The following NRG2 variants were observed in gnomAD, a reference collection of about 807,000 sequenced individuals.
NRG2 encodes pro-neuregulin-2, membrane-bound isoform.
A neutral mutation model predicts 73.9 loss-of-function variants in NRG2; 27 were observed. The ratio of observed to expected loss-of-function variants is 0.37; its 90% confidence interval spans 0.27 to 0.50. NRG2 has a LOEUF of 0.50. NRG2 is among the 20% of genes least tolerant of loss of function. The pLI, the probability that NRG2 is intolerant of heterozygous loss-of-function variation, is 0.96. For synonymous variants in NRG2, 532 were observed against 541.0 expected (o/e 0.98, Z 0.23); for missense variants, 1,126 against 1,210.1 (o/e 0.93, Z 1.03).
chr5:139,865,570 A>G lies in NRG2; in HGVS notation c.1168T>C (p.Tyr390His). Residue 390 changes from tyrosine to histidine, a missense_variant, in exon 5 of 10, where the codon TAC becomes CAC. This residue lies in a region of NRG2 where 539 missense variants were observed against 703.2 expected (regional missense o/e 0.77). Transcript: ENST00000361474. This position sits in a 1 kb window ranked among gnomAD's most constrained non-coding sequence, Gnocchi z 5.2. ...ATACTTTGCTTAGGATCTGGCATGTACAATCGCAAAGGCAGTTTCTCCAAA... is the reference window on the plus strand; with the variant it reads ...ATACTTTGCTTAGGATCTGGCATGTGCAATCGCAAAGGCAGTTTCTCCAAA... ...RCLEKLPLRL[Y>H]MPDPKQKAEE... The G allele has an allele frequency of 6.2e-7, 1 of 1,612,466 alleles. No homozygotes were observed. The highest frequency in any genetic ancestry group is 8.5e-7 in the Non-Finnish European group (1 of 1,179,550).
At position 139,852,622 on chromosome 5, in the gene NRG2, G is replaced by A; in HGVS notation, c.1417-63C>T. On this transcript the variant is annotated intron_variant, in intron 7 of 9. Coordinates refer to ENST00000361474, the MANE Select transcript of NRG2 (RefSeq NM_004883.3). This position sits in a 1 kb window ranked among gnomAD's most constrained non-coding sequence, Gnocchi z 4.4. ...GGCCCAAATGAACTCTTTCTTGTTGGGGACAGGGAAGTGATGAGCACTGAC... is the reference window on the plus strand; with the variant it reads ...GGCCCAAATGAACTCTTTCTTGTTGAGGACAGGGAAGTGATGAGCACTGAC... The A allele has an allele frequency of 6.3e-7, 1 of 1,586,590 alleles. No homozygotes were observed. The highest frequency in any genetic ancestry group is 8.6e-7 in the Non-Finnish European group (1 of 1,165,608).
chr5:139,929,867 CT>C (rs1336508560), intron 1 of NRG2, among the ~76,000 whole-genome samples: 10 of 152,120 alleles, frequency 6.6e-5, no homozygotes, highest in Non-Finnish European at 1.3e-4. Context: ...GAGAAAGTGA[CT>C]GATATTTCAA....
chr5:139,973,156 CAAAA>C (rs58053481), intron 1 of NRG2, among the ~76,000 whole-genome samples: 17,538 of 89,450 alleles, frequency 0.2, 1,119 homozygotes, highest in African/African-American at 0.29. Flanking sequence ...TAAGAATATG[CAAAA>C]AAAAAAAAAA....
At chr5:139,916,097 G>C (rs1320757223) in intron 1 of NRG2, among the ~76,000 whole-genome samples, 1 of 152,196 alleles carries the variant, frequency 6.6e-6, no homozygotes, top group African/African-American at 2.4e-5. Flanking sequence ...GCAGAGTCTG[G>C]AGGCAGCAAG....
chr5:139,933,883 A>G (rs984609304), intron 1 of NRG2, among the ~76,000 whole-genome samples: 5 of 152,240 alleles, frequency 3.3e-5, no homozygotes, highest in African/African-American at 1.2e-4. Context: ...TTTTTTGACC[A>G]TGACAAAATT....
intron 1 of NRG2, among the ~76,000 whole-genome samples, chr5:139,913,922 G>A (rs1297467508): frequency 1.3e-5 from 2 of 152,330 alleles, no homozygotes; most frequent in Admixed American, 1.3e-4. Context: ...GGAGGCTGAG[G>A]AGGGTGAATC....
intron 1 of NRG2, among the ~76,000 whole-genome samples, chr5:140,000,848 C>T (rs1486392010): frequency 1.3e-5 from 2 of 152,244 alleles, no homozygotes; most frequent in African/African-American, 4.8e-5. Context: ...TAATCCATCT[C>T]TGTCAACGTC....
chr5:139,965,639 C>T (rs1457472844), intron 1 of NRG2, among the ~76,000 whole-genome samples: 1 of 152,254 alleles, frequency 6.6e-6, no homozygotes, highest in East Asian at 1.9e-4. Context: ...TCCTGGCCCT[C>T]CTGAAGGCCT....
At position 139,847,886 on chromosome 5, in the gene NRG2, C is replaced by T. The variant is rs1434199770; in HGVS notation, c.*31G>A. 1 of 1,126,848 alleles carries T rather than the reference C, an allele frequency of 8.9e-7. No homozygotes were observed. Among genetic ancestry groups the T allele is most frequent in the Non-Finnish European group, 1.2e-6 (1 of 866,996 alleles). The allele number at this position is 1,126,848 out of a possible 1,614,324, so 69.8% of individuals were successfully genotyped here. A position where few individuals can be genotyped will look rare whatever the true frequency, so the allele number is the denominator to read the frequency against. On this transcript the variant is annotated 3_prime_UTR_variant, in exon 10 of 10. Transcript: ENST00000361474. Reference sequence around the variant, plus strand: ...TCTGGTCTCCTTAAAGATAGTGGGGCGGGCGGGGCGGAGGGGCGCGCGGCG... The same window carrying T: ...TCTGGTCTCCTTAAAGATAGTGGGGTGGGCGGGGCGGAGGGGCGCGCGGCG...
rs192250747 is a variant in NRG2, at chr5:139,899,277, G to T, written c.701-11766C>A. 8.9e-3 allele frequency among the ~76,000 whole-genome samples: 1,310 copies of T among 147,380 alleles called. 9 individuals are homozygous for T. Among genetic ancestry groups the T allele is most frequent in the Middle Eastern group, 0.041 (12 of 294 alleles). ...GCATCATAATAAATGGTGGGTGGGA[G>T]GGGGGCTTGATAAAATGTACATTAC... is the stretch of plus-strand genomic sequence containing the variant. On this transcript the variant is annotated intron_variant, in intron 1 of 9. Coordinates refer to ENST00000361474, the MANE Select transcript of NRG2 (RefSeq NM_004883.3).
intron 3 of NRG2, among the ~76,000 whole-genome samples, chr5:139,880,024 C>T (rs1468994999): frequency 6.6e-6 from 1 of 152,150 alleles, no homozygotes; most frequent in Admixed American, 6.5e-5. Context: ...CAGGTAATGA[C>T]AGATACAGGA....
rs755513515 is a variant in NRG2, at chr5:139,887,304, G to C, written c.872+36C>G. On this transcript the variant is annotated intron_variant, in intron 2 of 9. Coordinates refer to ENST00000361474, the MANE Select transcript of NRG2 (RefSeq NM_004883.3). The surrounding 1 kb of genome is among the most constrained non-coding windows in gnomAD (Gnocchi z 4.5). ...CTCCTTCTCGAGAGGAGGGAGGGCAGCTGCTTGGATGGAGGACAGGCTGGA... is the reference window on the plus strand; with the variant it reads ...CTCCTTCTCGAGAGGAGGGAGGGCACCTGCTTGGATGGAGGACAGGCTGGA... 1.9e-5 allele frequency: 31 copies of C among 1,609,014 alleles called. No homozygotes were observed. The highest frequency in any genetic ancestry group is 2.2e-5 in the South Asian group (2 of 90,490).
chr5:139,944,097 A>T (rs1753613411), intron 1 of NRG2, among the ~76,000 whole-genome samples: 1 of 152,192 alleles, frequency 6.6e-6, no homozygotes, highest in Admixed American at 6.5e-5. Flanking sequence ...AAAATTAAAT[A>T]AAAGGTGTCC....
At position 139,962,004 on chromosome 5, in the gene NRG2, CA is replaced by C. The variant is rs374015749; in HGVS notation, c.701-74494del. On this transcript the variant is annotated intron_variant, in intron 1 of 9. Coordinates refer to ENST00000361474, the MANE Select transcript of NRG2 (RefSeq NM_004883.3). ...CTGAGGCTCTTGCTTTCCTGACCAGCACAGAGAGCTGGTCATTGGGATTTAG... is the reference window on the plus strand; with the variant it reads ...CTGAGGCTCTTGCTTTCCTGACCAGCCAGAGAGCTGGTCATTGGGATTTAG... 4.6e-3 allele frequency among the ~76,000 whole-genome samples: 699 copies of C among 152,290 alleles called. 9 individuals carry two copies. The highest frequency in any genetic ancestry group is 0.016 in the African/African-American group (683 of 41,560).
chr5:139,848,745 C>CGGGGGAGGGGGGGTTGGGGGT (rs1761206599), intron 9 of NRG2, 48 bp from the exon 10 acceptor site: 1 of 63,624 alleles, frequency 1.6e-5, no homozygotes, highest in Non-Finnish European at 1.9e-5. Flanking sequence ...CGGGCCGGCG[C>CGGGGGAGGGGGGGTTGGGGGT]GGGGGAGGGG....
intron 1 of NRG2, among the ~76,000 whole-genome samples, chr5:139,941,898 T>G (rs1753428330): frequency 6.6e-6 from 1 of 152,186 alleles, no homozygotes; most frequent in African/African-American, 2.4e-5. Flanking sequence ...TGATTTGTGA[T>G]TCAAACAACA....
At chr5:139,849,606 AG>A (rs1479381547) in intron 9 of NRG2, among the ~76,000 whole-genome samples, 2 of 152,148 alleles carry the variant, frequency 1.3e-5, no homozygotes, top group African/African-American at 2.4e-5. Context: ...ACCTCAGGAC[AG>A]GGGCCACCCA....
chr5:139,859,880 G>T, intron 5 of NRG2: 1 of 1,611,396 alleles, frequency 6.2e-7, no homozygotes, highest in Non-Finnish European at 8.5e-7. Flanking sequence ...ACACACAGAG[G>T]TTTCATACCC....
chr5:139,958,104 A>C (rs1394694525), intron 1 of NRG2, among the ~76,000 whole-genome samples: 1 of 152,066 alleles, frequency 6.6e-6, no homozygotes, highest in African/African-American at 2.4e-5. Flanking sequence ...AAGCCCATTC[A>C]ATTCATCTTA....
Sources: allele counts gnomAD v4.1 joint callset (sites outside exome capture counted in the v4.1 genomes callset), GRCh38; gene constraint gnomAD v4.1.1; regional missense constraint gnomAD v4.1.1; non-coding constraint Gnocchi (gnomAD v3.1); transcripts MANE v1.5; gene names NCBI Gene and HGNC (gene_info 2026-07-23, HGNC 2026-07-21).